The following TNS3 variants were observed in gnomAD, a reference collection of about 807,000 sequenced individuals.
TNS3 encodes tensin-3.
Under a neutral mutation model 140.9 loss-of-function variants are expected in TNS3, and 45 were observed. The ratio of observed to expected loss-of-function variants is 0.32; its 90% CI spans 0.25 to 0.41. The LOEUF (loss-of-function observed/expected upper bound fraction) is 0.41, where lower values mean the gene tolerates loss of function less well. Among genes scored for constraint, TNS3 ranks in the 10% least tolerant of loss-of-function variants. TNS3 has a pLI of 1.00. For synonymous variants in TNS3, 815 were observed against 788.4 expected, an observed-to-expected ratio of 1.03 and a Z score of -0.56; for missense variants, 1,716 against 1,906.7, an observed-to-expected ratio of 0.90 and a Z score of 1.86.
At chr7:47,454,611 G>A (rs930549540) in intron 4 of TNS3, among the ~76,000 whole-genome samples, 1 of 100,538 alleles carries the variant, frequency 9.9e-6, no homozygotes, top group Non-Finnish European at 2.6e-5. Flanking sequence ...GGCTGCTCTG[G>A]GGGGGCAACA....
intron 20 of TNS3, among the ~76,000 whole-genome samples, chr7:47,323,912 G>A (rs1269487808): frequency 6.6e-6 from 1 of 152,170 alleles, no homozygotes; most frequent in Non-Finnish European, 1.5e-5. Context: ...AGAAACAGAA[G>A]AGCAGAAGAC....
intron 15 of TNS3, among the ~76,000 whole-genome samples, chr7:47,400,089 C>A (rs975993340): frequency 5.3e-5 from 8 of 151,964 alleles, no homozygotes; most frequent in African/African-American, 1.9e-4. Context: ...ACATCACTAA[C>A]CCCCAGAGAA....
intron 20 of TNS3, among the ~76,000 whole-genome samples, chr7:47,324,935 A>T (rs1787947458): frequency 6.6e-6 from 1 of 152,134 alleles, no homozygotes; most frequent in Non-Finnish European, 1.5e-5. Context: ...TCCTCCAGTC[A>T]AGTGCAGCAT....
At chr7:47,556,354 T>TTA (rs1800195694) in intron 1 of TNS3, among the ~76,000 whole-genome samples, 2 of 152,186 alleles carry the variant, frequency 1.3e-5, no homozygotes, top group Non-Finnish European at 2.9e-5. Flanking sequence ...GTCCTCATCC[T>TTA]GAGACACACT....
chr7:47,557,221 C>T (rs1367467652), intron 1 of TNS3: 2 of 439,396 alleles, frequency 4.6e-6, no homozygotes, highest in South Asian at 3.2e-5. Context: ...AAGCGTCCTA[C>T]GTAAGGGAGA....
At chr7:47,571,516 C>CTCACAGAGA (rs546326869) in intron 1 of TNS3, among the ~76,000 whole-genome samples, 39 of 152,218 alleles carry the variant, frequency 2.6e-4, no homozygotes, top group African/African-American at 9.4e-4. Flanking sequence ...GTCCCCAGAG[C>CTCACAGAGA]TGACAAGAGG....
intron 6 of TNS3, among the ~76,000 whole-genome samples, chr7:47,438,221 G>C (rs917109224): frequency 2.0e-5 from 3 of 152,186 alleles, no homozygotes; most frequent in Non-Finnish European, 4.4e-5. Context: ...GTGACCCACA[G>C]TTCATTTCTA....
In TNS3 at chr7:47,430,690, G is replaced by A. The variant is rs147843903; in HGVS notation, c.325-2314C>T. ...GTTAGGCCACAAAACAAACCTTAAC[G>A]AATTTAAGGAGACTGAAATCATATT... On this transcript the variant is annotated intron_variant, in intron 8 of 30. Transcript: ENST00000311160. 5.5e-3 allele frequency among the ~76,000 whole-genome samples: 830 copies of A among 151,642 alleles called. 7 individuals are homozygous for A. The highest frequency in any genetic ancestry group is 0.018 in the African/African-American group (725 of 41,370).
intron 6 of TNS3, among the ~76,000 whole-genome samples, chr7:47,439,031 T>G (rs892589856): frequency 6.6e-5 from 10 of 152,114 alleles, no homozygotes; most frequent in Non-Finnish European, 1.2e-4. Context: ...ACTCGACAAG[T>G]GTGTTTTGAA....
intron 1 of TNS3, among the ~76,000 whole-genome samples, chr7:47,576,334 G>A (rs1800675056): frequency 1.3e-5 from 2 of 152,130 alleles, no homozygotes; most frequent in Admixed American, 1.3e-4. Context: ...TCCGGAACCA[G>A]TGGAGGAGCA....
At chr7:47,319,643 G>A (rs1377829744) in intron 20 of TNS3, among the ~76,000 whole-genome samples, 1 of 152,120 alleles carries the variant, frequency 6.6e-6, no homozygotes, top group Non-Finnish European at 1.5e-5. Flanking sequence ...AATCTCAGAA[G>A]TCTCTTACCA....
chr7:47,335,842 G>T (rs940664375), intron 20 of TNS3, among the ~76,000 whole-genome samples: 1 of 152,150 alleles, frequency 6.6e-6, no homozygotes, highest in Non-Finnish European at 1.5e-5. Context: ...GCTCAGAGAG[G>T]TCCCTAGAAC....
At chr7:47,531,187 T>A (rs1799392256) in intron 1 of TNS3, among the ~76,000 whole-genome samples, 1 of 151,974 alleles carries the variant, frequency 6.6e-6, no homozygotes, top group South Asian at 2.1e-4. Context: ...GGAAATAATC[T>A]GTACACCAAA....
chr7:47,576,817 G>C (rs1420949716), intron 1 of TNS3, among the ~76,000 whole-genome samples: 1 of 152,186 alleles, frequency 6.6e-6, no homozygotes, highest in Non-Finnish European at 1.5e-5. Context: ...GGAGAGCGCA[G>C]ATTCCTGAAT....
At chr7:47,405,435 T>C (rs1793390815) in intron 13 of TNS3, 1 of 691,902 alleles carries the variant, frequency 1.4e-6, no homozygotes, top group Non-Finnish European at 2.6e-6. Context: ...ATTTGGAGGG[T>C]AAAAAGTTAG....
chr7:47,481,668 C>T (rs899294914), intron 3 of TNS3: 2 of 985,242 alleles, frequency 2.0e-6, no homozygotes, highest in East Asian at 1.1e-4. Context: ...TATTCCATTC[C>T]GCACAAGAGA....
chr7:47,405,128 G>A (rs758206451), intron 13 of TNS3, among the ~76,000 whole-genome samples: 3 of 152,090 alleles, frequency 2.0e-5, no homozygotes, highest in Non-Finnish European at 4.4e-5. Context: ...CCATCAACAA[G>A]AGAAAAAGCA....
chr7:47,574,532 T>C (rs1800628358), intron 1 of TNS3, among the ~76,000 whole-genome samples: 1 of 151,946 alleles, frequency 6.6e-6, no homozygotes, highest in African/African-American at 2.4e-5. Flanking sequence ...TATACACCCA[T>C]GTCCATAGCA....
intron 20 of TNS3, among the ~76,000 whole-genome samples, chr7:47,325,478 C>T (rs966097078): frequency 1.3e-5 from 2 of 152,170 alleles, no homozygotes; most frequent in Admixed American, 6.5e-5. Flanking sequence ...TCTGCTATCT[C>T]GTGGTGGAAC....
Sources: gnomAD v4.1 joint callset for allele counts (sites outside exome capture counted in the v4.1 genomes callset) on GRCh38, gnomAD v4.1.1 for gene constraint, MANE v1.5 for transcripts, NCBI Gene and HGNC (gene_info 2026-07-23, HGNC 2026-07-21) for gene names.